SLCO6A1: variants seen among roughly 807,000 people sequenced by gnomAD.
The protein encoded by SLCO6A1 is solute carrier organic anion transporter family member 6A1.
Under a neutral mutation model 72.7 loss-of-function variants are expected in SLCO6A1, and 65 were observed. The observed-to-expected ratio is 0.89, with a 90% CI of 0.73 to 1.10. SLCO6A1 has a LOEUF of 1.10. Ranked by LOEUF, SLCO6A1 falls within the 50% of genes least tolerant of loss-of-function variation. SLCO6A1 has a pLI of 0.00. For synonymous variants in SLCO6A1, 314 were observed against 298.2 expected (o/e 1.05, Z -0.55); for missense variants, 874 against 872.6 (o/e 1.00, Z -0.02).
intron 10 of SLCO6A1, 115 bp downstream of exon 10, chr5:102,399,440 G>T (rs1747275828): frequency 1.5e-6 from 1 of 656,086 alleles, no homozygotes; most frequent in Non-Finnish European, 2.2e-6. Flanking sequence ...CTTTTCCTCT[G>T]CATTTGCTAC....
At chr5:102,455,028 A>ATATATATAT in intron 6 of SLCO6A1, among the ~76,000 whole-genome samples, 1 of 24,656 alleles carries the variant, frequency 4.1e-5, no homozygotes, top group African/African-American at 1.2e-4. Flanking sequence ...ATATATATAT[A>ATATATATAT]AATTATGTTA....
chr5:102,469,727 G>A (rs904623787), intron 4 of SLCO6A1, among the ~76,000 whole-genome samples: 1 of 152,084 alleles, frequency 6.6e-6, no homozygotes, highest in Non-Finnish European at 1.5e-5. Context: ...GGGCATCCTT[G>A]TCTTGTGCCG....
intron 12 of SLCO6A1, among the ~76,000 whole-genome samples, chr5:102,377,318 G>A (rs1413198700): frequency 6.6e-6 from 1 of 152,138 alleles, no homozygotes; most frequent in Non-Finnish European, 1.5e-5. Flanking sequence ...ACAAGCTAAT[G>A]CTGTAGAAAG....
At chr5:102,488,720 G>T (rs1005490937) in intron 1 of SLCO6A1, among the ~76,000 whole-genome samples, 3 of 152,196 alleles carry the variant, frequency 2.0e-5, no homozygotes, top group Non-Finnish European at 4.4e-5. Context: ...ACAACCTAGA[G>T]ATATCAGCGT....
At chr5:102,448,360 G>T (rs1008131911) in intron 6 of SLCO6A1, among the ~76,000 whole-genome samples, 3 of 152,174 alleles carry the variant, frequency 2.0e-5, no homozygotes, top group Admixed American at 2.0e-4. Flanking sequence ...TTGGTTAGAT[G>T]GAGTGTTCCA....
At chr5:102,389,970 C>T (rs1303451409) in intron 11 of SLCO6A1, among the ~76,000 whole-genome samples, 1 of 152,080 alleles carries the variant, frequency 6.6e-6, no homozygotes, top group Non-Finnish European at 1.5e-5. Flanking sequence ...CAACTCCTGG[C>T]CTCAAGCCAT....
At chr5:102,481,625 C>A (rs1177604244) in intron 1 of SLCO6A1, among the ~76,000 whole-genome samples, 1 of 152,114 alleles carries the variant, frequency 6.6e-6, no homozygotes, top group East Asian at 1.9e-4. Flanking sequence ...ATCTTTTAGA[C>A]TACTTGGTAT....
At chr5:102,408,782 A>G (rs1464522160) in intron 9 of SLCO6A1, among the ~76,000 whole-genome samples, 1 of 152,200 alleles carries the variant, frequency 6.6e-6, no homozygotes, top group Non-Finnish European at 1.5e-5. Flanking sequence ...ATAATAGCAT[A>G]TTTCATTTAA....
At chr5:102,381,316 C>A (rs1746093438) in intron 12 of SLCO6A1, among the ~76,000 whole-genome samples, 1 of 151,666 alleles carries the variant, frequency 6.6e-6, no homozygotes, top group Admixed American at 6.6e-5. Context: ...TAAGTGAGAG[C>A]ATGCTGTATT....
chr5:102,482,135 T>A (rs1392537887), intron 1 of SLCO6A1, among the ~76,000 whole-genome samples: 1 of 152,194 alleles, frequency 6.6e-6, no homozygotes, highest in Non-Finnish European at 1.5e-5. Flanking sequence ...AAGGTGGGGT[T>A]ATTAATTCCC....
chr5:102,469,579 GAACA>G (rs2112795336), intron 4 of SLCO6A1, among the ~76,000 whole-genome samples: 1 of 152,100 alleles, frequency 6.6e-6, no homozygotes, highest in Admixed American at 6.6e-5. Context: ...GGGGTTTTCT[GAACA>G]TACAATCATG....
chr5:102,481,563 T>C (rs1240044417), intron 1 of SLCO6A1, among the ~76,000 whole-genome samples: 1 of 152,136 alleles, frequency 6.6e-6, no homozygotes, highest in African/African-American at 2.4e-5. Flanking sequence ...CCCTTGCAAA[T>C]AGGAGTGAGT....
chr5:102,490,459 C>T (rs115983942), intron 1 of SLCO6A1, among the ~76,000 whole-genome samples: 2,665 of 152,256 alleles, frequency 0.018, 36 homozygotes, highest in South Asian at 0.054. Context: ...CTATAAAGAA[C>T]TACTTGAGAC....
chr5:102,463,345 T>A (rs541307615), intron 4 of SLCO6A1, among the ~76,000 whole-genome samples: 2 of 152,198 alleles, frequency 1.3e-5, no homozygotes, highest in African/African-American at 4.8e-5. Flanking sequence ...GTACGATCAC[T>A]ATGGAAAACA....
chr5:102,494,650 T>A (rs1752829997), intron 1 of SLCO6A1, among the ~76,000 whole-genome samples: 1 of 152,150 alleles, frequency 6.6e-6, no homozygotes, highest in African/African-American at 2.4e-5. Flanking sequence ...TATAAACAGA[T>A]GTTTGAGACA....
chr5:102,474,817 A>G (rs535260341), intron 4 of SLCO6A1, among the ~76,000 whole-genome samples: 14 of 152,166 alleles, frequency 9.2e-5, no homozygotes, highest in African/African-American at 1.4e-4. Context: ...GATACTCAAC[A>G]CTACTAATAA....
rs200584641 is a variant in SLCO6A1 at position 102,419,950 on chromosome 5, A to T, written c.1348T>A (p.Ser450Thr). The change falls in exon 8 of 14, where the codon TCT becomes ACT. Residue 450 changes from serine to threonine, a missense_variant. Transcript: ENST00000506729. The part of the protein sequence containing the change: ...GGVIVSTLEM[S>T]CKALMRFIMV... Reference sequence around the variant, plus strand: ...ATAAATCTCATAAGGGCTTTACAAGACATTTCTAATGTGGAAACAATGACA... The same window carrying T: ...ATAAATCTCATAAGGGCTTTACAAGTCATTTCTAATGTGGAAACAATGACA... The T allele has an allele frequency of 3.4e-5, 55 of 1,608,240 alleles. No individual in the cohort carries two copies. The highest frequency in any genetic ancestry group is 4.6e-5 in the Non-Finnish European group (54 of 1,178,330).
intron 3 of SLCO6A1, among the ~76,000 whole-genome samples, chr5:102,477,319 T>G (rs1232077005): frequency 2.0e-5 from 3 of 152,118 alleles, no homozygotes; most frequent in Admixed American, 2.0e-4. Context: ...AGACAGGGTT[T>G]CACTATGTTG....
chr5:102,380,962 CAAAT>C (rs1453637788), intron 12 of SLCO6A1, among the ~76,000 whole-genome samples: 1 of 151,476 alleles, frequency 6.6e-6, no homozygotes, highest in African/African-American at 2.4e-5. Flanking sequence ...GTTTAATTGA[CAAAT>C]AAATAAAAAG....
Sources: allele counts gnomAD v4.1 joint callset (sites outside exome capture counted in the v4.1 genomes callset), GRCh38; gene constraint gnomAD v4.1.1; transcripts MANE v1.5; gene names NCBI Gene and HGNC (gene_info 2026-07-23, HGNC 2026-07-21).